MAML3: variants seen among roughly 807,000 people sequenced by gnomAD.
MAML3 encodes the protein mastermind like transcriptional coactivator 3, also known as mastermind-like protein 3.
In MAML3, 27 loss-of-function variants were observed where a neutral mutation model predicts 101.9. That is an observed-to-expected ratio of 0.27 (90% CI 0.20 to 0.37). MAML3 has a LOEUF of 0.37. Ranked by LOEUF, MAML3 falls within the 10% of genes least tolerant of loss-of-function variation. The pLI is 1.00. For missense variants in MAML3, 1,316 were observed against 1,444.9 expected (o/e 0.91, Z 1.45); for synonymous variants, 501 against 555.9 (o/e 0.90, Z 1.39).
rs1020604197 is a variant in MAML3, at chr4:139,812,973, A to AG, written c.2079+76383_2079+76384insC. Among the ~76,000 whole-genome samples the AG allele has an allele frequency of 9.8e-3, 16 of 1,636 alleles. No individual in the cohort carries two copies. In the East Asian group the frequency reaches 0.44, roughly 45 times the overall value. The allele number at this position is 1,636 out of a possible 152,430, so 1.1% of individuals were successfully genotyped here. ...ATCTCTAATATATTCTCAGAAATGT[A>AG]AAAAAAAAAAAAAAAGGGGAGAACC... On this transcript the variant is annotated intron_variant, in intron 2 of 4. Transcript: ENST00000509479.
rs2110944552 is a variant in MAML3, at chr4:139,717,350, A to ATGTT, written c.*1969_*1972dup. On this transcript the variant is annotated 3_prime_UTR_variant, in exon 5 of 5. Coordinates refer to ENST00000509479, the MANE Select transcript of MAML3 (RefSeq NM_018717.5). ...CTGTACCTTTCAGGAAAAGGTAATT[A>ATGTT]TGTTTTGTGTCTTCTCATTTGTTTG... 6.6e-6 allele frequency: 1 copy of ATGTT among 152,532 alleles called. No homozygotes were observed. The highest frequency in any genetic ancestry group is 1.9e-4 in the East Asian group (1 of 5,156). 9.4% of individuals were successfully genotyped at this position (152,532 alleles called of 1,614,324 possible).
Position 140,153,365 on chromosome 4 carries a change from T to G in MAML3, c.-38A>C. 3.3e-6 allele frequency: 5 copies of G among 1,527,748 alleles called. No homozygotes were observed. The highest frequency in any genetic ancestry group is 4.4e-6 in the Non-Finnish European group (5 of 1,139,088). 94.6% of individuals were successfully genotyped at this position (1,527,748 alleles called of 1,614,324 possible). A position where few individuals can be genotyped will look rare whatever the true frequency, so the allele number is the denominator to read the frequency against. Reference sequence around the variant, plus strand: ...GCACACTATTTTGGAAGAACTTTTTTTATCCACCCCCCTATCAGCCTCCTC... The same window carrying G: ...GCACACTATTTTGGAAGAACTTTTTGTATCCACCCCCCTATCAGCCTCCTC... On this transcript the variant is annotated 5_prime_UTR_variant, in exon 1 of 5. Coordinates refer to ENST00000509479, the MANE Select transcript of MAML3 (RefSeq NM_018717.5).
At chr4:140,033,546 G>A (rs184074182) in intron 1 of MAML3, among the ~76,000 whole-genome samples, 19 of 152,260 alleles carry the variant, frequency 1.2e-4, no homozygotes, top group East Asian at 3.9e-4. Context: ...ACATTTGATC[G>A]CCTCACTGGA....
chr4:139,795,839 G>A (rs1730502251), intron 2 of MAML3, among the ~76,000 whole-genome samples: 1 of 152,220 alleles, frequency 6.6e-6, no homozygotes, highest in Non-Finnish European at 1.5e-5. Flanking sequence ...TACTCTAGGA[G>A]AGGGTGGTGT....
intron 1 of MAML3, among the ~76,000 whole-genome samples, chr4:140,002,907 C>T (rs1726347237): frequency 6.6e-6 from 1 of 152,194 alleles, no homozygotes; most frequent in Non-Finnish European, 1.5e-5. Context: ...AGCAGTGGTT[C>T]CCCAGGTAGG....
chr4:140,132,688 A>G (rs1728815604), intron 1 of MAML3, among the ~76,000 whole-genome samples: 1 of 152,208 alleles, frequency 6.6e-6, no homozygotes, highest in African/African-American at 2.4e-5. Context: ...CAGGCTGAAG[A>G]CTTCTCACTT....
rs143869419 is a variant in MAML3 at position 140,002,350 on chromosome 4, C to G, written c.469-111383G>C. 8.3e-4 allele frequency among the ~76,000 whole-genome samples: 126 copies of G among 152,192 alleles called. 1 individual carries two copies. The highest frequency in any genetic ancestry group is 2.8e-3 in the African/African-American group (117 of 41,518). ...GGATTCTTCTTATTTTTTTCTCTAC[C>G]TGATGTCTGCCCTGTTTAACTTATA... On this transcript the variant is annotated intron_variant, in intron 1 of 4. Coordinates refer to ENST00000509479, the MANE Select transcript of MAML3 (RefSeq NM_018717.5).
At chr4:139,796,765 A>G (rs1169616479) in intron 2 of MAML3, among the ~76,000 whole-genome samples, 2 of 152,220 alleles carry the variant, frequency 1.3e-5, no homozygotes, top group East Asian at 1.9e-4. Context: ...AGGTTACAAT[A>G]TATATGCTTT....
At chr4:139,962,825 T>G (rs1376191398) in intron 1 of MAML3, among the ~76,000 whole-genome samples, 1 of 152,216 alleles carries the variant, frequency 6.6e-6, no homozygotes, top group Non-Finnish European at 1.5e-5. Flanking sequence ...TCAATTCATT[T>G]AGAAAATATG....
intron 1 of MAML3, among the ~76,000 whole-genome samples, chr4:140,054,963 T>C (rs1047667252): frequency 6.6e-6 from 1 of 152,228 alleles, no homozygotes; most frequent in Non-Finnish European, 1.5e-5. Flanking sequence ...TCTTAACTTT[T>C]AGAACTGTCC....
chr4:139,733,296 TAA>T (rs1267651907), intron 2 of MAML3, among the ~76,000 whole-genome samples: 4 of 152,192 alleles, frequency 2.6e-5, no homozygotes, highest in Admixed American at 6.5e-5. Context: ...CAAGGGAAGA[TAA>T]AGTTTTCTTC....
chr4:140,018,433 C>G (rs1396231748), intron 1 of MAML3, among the ~76,000 whole-genome samples: 1 of 152,112 alleles, frequency 6.6e-6, no homozygotes, highest in Non-Finnish European at 1.5e-5. Flanking sequence ...TCTTGTTTAT[C>G]TTAATATATT....
At chr4:139,924,227 A>G (rs1733179416) in intron 1 of MAML3, among the ~76,000 whole-genome samples, 2 of 152,234 alleles carry the variant, frequency 1.3e-5, no homozygotes, top group Non-Finnish European at 2.9e-5. Context: ...AAAATCACAG[A>G]AGGAAATTCT....
At chr4:139,741,740 C>G (rs566145231) in intron 2 of MAML3, among the ~76,000 whole-genome samples, 1 of 152,172 alleles carries the variant, frequency 6.6e-6, no homozygotes, top group Non-Finnish European at 1.5e-5. Flanking sequence ...GAGTGAGACC[C>G]TGTCTCAAAA....
chr4:140,074,225 G>GAGAAAGAAAGAAAGAAAGAAAGAA (rs1363495557), intron 1 of MAML3, among the ~76,000 whole-genome samples: 3 of 149,742 alleles, frequency 2.0e-5, no homozygotes, highest in Non-Finnish European at 1.5e-5. Context: ...AAGAAAGAAA[G>GAGAAAGAAAGAAAGAAAGAAAGAA]AAAGAAAGAA....
chr4:140,016,565 G>T (rs2110868942), intron 1 of MAML3, among the ~76,000 whole-genome samples: 1 of 152,214 alleles, frequency 6.6e-6, no homozygotes, highest in Middle Eastern at 3.4e-3. Flanking sequence ...CAAGACTGTG[G>T]GGTACTAGTG....
chr4:140,078,140 T>A (rs1254843452), intron 1 of MAML3, among the ~76,000 whole-genome samples: 1 of 152,136 alleles, frequency 6.6e-6, no homozygotes, highest in East Asian at 1.9e-4. Context: ...CCTTCTTCAC[T>A]CCCTGTCCTT....
intron 1 of MAML3, among the ~76,000 whole-genome samples, chr4:140,120,882 A>G (rs552075828): frequency 5.4e-4 from 82 of 152,306 alleles, no homozygotes; most frequent in African/African-American, 1.9e-3. Flanking sequence ...GGCAATCTTT[A>G]TCCATTATTA....
At chr4:139,831,088 AC>A (rs1167281107) in intron 2 of MAML3, among the ~76,000 whole-genome samples, 2 of 152,124 alleles carry the variant, frequency 1.3e-5, no homozygotes, top group Non-Finnish European at 2.9e-5. Context: ...GGCCACCAAA[AC>A]CCCTCAGAGA....
Sources: gnomAD v4.1 joint callset for allele counts (sites outside exome capture counted in the v4.1 genomes callset) on GRCh38, gnomAD v4.1.1 for gene constraint, MANE v1.5 for transcripts, NCBI Gene and HGNC (gene_info 2026-07-23, HGNC 2026-07-21) for gene names.